DISC1: variants seen among roughly 807,000 people sequenced by gnomAD.
The protein encoded by DISC1 is disrupted in schizophrenia 1 protein.
In DISC1, 57 loss-of-function variants were observed where a neutral mutation model predicts 84.5. The observed-to-expected ratio is 0.67, with a 90% CI of 0.55 to 0.84. The LOEUF (loss-of-function observed/expected upper bound fraction) is 0.84, where lower values mean the gene tolerates loss of function less well. Ranked by LOEUF, DISC1 falls within the 40% of genes least tolerant of loss-of-function variation. DISC1 has a pLI of 0.00. For missense variants in DISC1, 1,000 were observed against 1,057.8 expected (o/e 0.95, Z 0.76); for synonymous variants, 411 against 415.2 (o/e 0.99, Z 0.12).
At chr1:231,851,724 C>T (rs2083911049) in intron 9 of DISC1, among the ~76,000 whole-genome samples, 1 of 152,174 alleles carries the variant, frequency 6.6e-6, no homozygotes, top group Non-Finnish European at 1.5e-5. Context: ...GAAGGGCAGC[C>T]AGGCTGGCTG....
At chr1:231,958,714 T>TGG in intron 9 of DISC1, 114 bp from the exon 10 acceptor site, 1 of 1,051,724 alleles carries the variant, frequency 9.5e-7, no homozygotes, top group Admixed American at 2.1e-5. Context: ...CATAGAATGT[T>TGG]ACGATTACTA....
rs142960394 is a variant in DISC1, at chr1:231,784,169, A to G, written c.1635-11073A>G. ...TCCCAGCTACTCAGGAGGCTGAGGC[A>G]GTACAATCGCTTGAACCCGGGAGGC... On this transcript the variant is annotated intron_variant, in intron 6 of 12. Transcript: ENST00000439617. Among the ~76,000 whole-genome samples, 31 of 152,096 alleles carry G rather than the reference A, an allele frequency of 2.0e-4. 1 individual carries two copies. The East Asian group carries it at 5.6e-3, about 28-fold the overall frequency.
chr1:232,001,219 C>T, intron 10 of DISC1, among the ~76,000 whole-genome samples: 1 of 152,154 alleles, frequency 6.6e-6, no homozygotes. Context: ...GCTGGAACTA[C>T]AAGCATGTGC....
intron 1 of DISC1, among the ~76,000 whole-genome samples, chr1:231,644,451 G>C (rs2059970400): frequency 6.6e-6 from 1 of 152,226 alleles, no homozygotes. Context: ...GCACTGGTGG[G>C]AGACCAGTAA....
intron 2 of DISC1, among the ~76,000 whole-genome samples, chr1:231,697,524 T>C (rs1008676866): frequency 6.6e-6 from 1 of 151,940 alleles, no homozygotes; most frequent in Non-Finnish European, 1.5e-5. Context: ...ACTGCAACCT[T>C]GAACTCCTGG....
chr1:231,709,279 T>C (rs541752556), intron 3 of DISC1, among the ~76,000 whole-genome samples: 2 of 152,296 alleles, frequency 1.3e-5, no homozygotes, highest in South Asian at 2.1e-4. Flanking sequence ...TACTTGAGAT[T>C]TTAGCTTTGT....
At chr1:231,942,908 A>G (rs2091432938) in intron 9 of DISC1, among the ~76,000 whole-genome samples, 1 of 152,172 alleles carries the variant, frequency 6.6e-6, no homozygotes, top group Non-Finnish European at 1.5e-5. Flanking sequence ...ATCAAGGATT[A>G]TGTTCCCTGT....
In DISC1 at chr1:231,907,752, T is replaced by C. The variant is rs375491506; in HGVS notation, c.1982-51076T>C. Among the ~76,000 whole-genome samples, 36 of 152,366 alleles carry C rather than the reference T, an allele frequency of 2.4e-4. 1 individual carries two copies. In the South Asian group the frequency reaches 7.5e-3, roughly 32 times the overall value. On this transcript the variant is annotated intron_variant, in intron 9 of 12. Transcript: ENST00000439617. The stretch of plus-strand genomic sequence containing the variant: ...CTAGATCCTTGAGGAATCGCTACAC[T>C]GTCTTCCACAATGCTTGAACTAGTT...
At chr1:231,756,299 T>C (rs900134174) in intron 4 of DISC1, among the ~76,000 whole-genome samples, 8 of 152,250 alleles carry the variant, frequency 5.3e-5, no homozygotes, top group African/African-American at 1.9e-4. Context: ...ACTTCACTTC[T>C]GCTTAGGTCT....
chr1:231,900,695 CA>C lies in DISC1; in HGVS notation c.1982-58132del, dbSNP rs2088105082. Among the ~76,000 whole-genome samples, 7 of 152,086 alleles carry C rather than the reference CA, an allele frequency of 4.6e-5. No homozygotes were observed. The South Asian group carries it at 1.2e-3, about 27-fold the overall frequency. ...CTGCCATGGGAAAAATTGTGTATGC[CA>C]GATGCATTTTGTTCATTTTTAAAGA... is the stretch of plus-strand genomic sequence containing the variant. On this transcript the variant is annotated intron_variant, in intron 9 of 12. Transcript: ENST00000439617.
chr1:231,887,492 A>G (rs2086855451), intron 9 of DISC1, among the ~76,000 whole-genome samples: 1 of 152,220 alleles, frequency 6.6e-6, no homozygotes, highest in Non-Finnish European at 1.5e-5. Context: ...TCATGTAAAG[A>G]GTTCCTTTTG....
intron 9 of DISC1, among the ~76,000 whole-genome samples, chr1:231,918,589 A>T (rs2089799315): frequency 6.6e-6 from 1 of 152,232 alleles, no homozygotes; most frequent in African/African-American, 2.4e-5. Flanking sequence ...ATTATTTTGG[A>T]ATACAACACT....
At chr1:231,929,635 C>A (rs577399423) in intron 9 of DISC1, among the ~76,000 whole-genome samples, 6 of 152,176 alleles carry the variant, frequency 3.9e-5, no homozygotes, top group Non-Finnish European at 8.8e-5. Context: ...GTGCTCTGGA[C>A]AAGCAAACAG....
At chr1:231,984,787 T>G (rs995103904) in intron 10 of DISC1, among the ~76,000 whole-genome samples, 1 of 151,812 alleles carries the variant, frequency 6.6e-6, no homozygotes, top group Non-Finnish European at 1.5e-5. Flanking sequence ...AGCATTTGAG[T>G]TGGATGAAGA....
At chr1:231,668,232 A>G (rs2062209316) in intron 1 of DISC1, among the ~76,000 whole-genome samples, 1 of 152,106 alleles carries the variant, frequency 6.6e-6, no homozygotes, top group African/African-American at 2.4e-5. Context: ...TTTTGGTGAA[A>G]GCATATAACA....
intron 10 of DISC1, among the ~76,000 whole-genome samples, chr1:232,002,014 A>T (rs551300602): frequency 6.6e-6 from 1 of 152,228 alleles, no homozygotes; most frequent in Non-Finnish European, 1.5e-5. Flanking sequence ...TGTACAATGT[A>T]CAAAGTCTCA....
intron 10 of DISC1, 138 bp from the exon 11 acceptor site, chr1:232,008,647 A>G (rs1239978312): frequency 9.3e-7 from 1 of 1,072,790 alleles, no homozygotes; most frequent in South Asian, 1.9e-5. Context: ...TTCTAGTTGA[A>G]ATAATTTATC....
chr1:231,910,387 T>C (rs1290861105), intron 9 of DISC1, among the ~76,000 whole-genome samples: 1 of 152,216 alleles, frequency 6.6e-6, no homozygotes, highest in Non-Finnish European at 1.5e-5. Context: ...TTTGTTGTCA[T>C]TGGTTTCAAA....
intron 1 of DISC1, among the ~76,000 whole-genome samples, chr1:231,647,919 G>GAC (rs1329468700): frequency 6.6e-6 from 1 of 152,204 alleles, no homozygotes; most frequent in Non-Finnish European, 1.5e-5. Flanking sequence ...TGTATCCTGA[G>GAC]ACATTACTGA....
Sources: gnomAD v4.1 joint callset for allele counts (sites outside exome capture counted in the v4.1 genomes callset) on GRCh38, gnomAD v4.1.1 for gene constraint, MANE v1.5 for transcripts, NCBI Gene and HGNC (gene_info 2026-07-23, HGNC 2026-07-21) for gene names.